TEAD1: variants seen among roughly 807,000 people sequenced by gnomAD.
The protein encoded by TEAD1 is TEA domain transcription factor 1, also known as transcriptional enhancer factor TEF-1.
Under a neutral mutation model 54.9 loss-of-function variants are expected in TEAD1, and 9 were observed. The ratio of observed to expected loss-of-function variants is 0.16; its 90% confidence interval spans 0.10 to 0.29. TEAD1 has a LOEUF of 0.29. TEAD1 is among the 10% of genes least tolerant of loss of function. The probability of loss-of-function intolerance (pLI) is 1.00; values close to 1 mark genes in which losing one functional copy is unlikely to be tolerated. For synonymous variants in TEAD1, 200 were observed against 187.8 expected, an observed-to-expected ratio of 1.07 and a Z score of -0.53; for missense variants, 387 against 535.9, an observed-to-expected ratio of 0.72 and a Z score of 2.74.
intron 10 of TEAD1, among the ~76,000 whole-genome samples, chr11:12,904,206 A>G (rs906546112): frequency 4.6e-5 from 7 of 152,218 alleles, no homozygotes; most frequent in Non-Finnish European, 1.0e-4. Flanking sequence ...GCAGTTGAAA[A>G]AAAAAGTCCT....
chr11:12,911,953 A>G (rs1370212184), intron 10 of TEAD1, among the ~76,000 whole-genome samples: 2 of 151,482 alleles, frequency 1.3e-5, no homozygotes, highest in East Asian at 3.9e-4. Flanking sequence ...TAGATTTTCA[A>G]GGCTTTTTTT....
At chr11:12,907,165 T>C (rs544776134) in intron 10 of TEAD1, among the ~76,000 whole-genome samples, 44 of 152,198 alleles carry the variant, frequency 2.9e-4, no homozygotes, top group African/African-American at 9.9e-4. Flanking sequence ...TCTGCAAGTA[T>C]TGGGGTACAG....
intron 2 of TEAD1, among the ~76,000 whole-genome samples, chr11:12,722,011 T>A (rs759313499): frequency 2.0e-5 from 3 of 152,218 alleles, no homozygotes; most frequent in Non-Finnish European, 4.4e-5. Context: ...ATTCACTGGG[T>A]CTGGGTTGGT....
intron 9 of TEAD1, among the ~76,000 whole-genome samples, chr11:12,896,699 T>C (rs1373772735): frequency 6.6e-6 from 1 of 152,214 alleles, no homozygotes; most frequent in Non-Finnish European, 1.5e-5. Flanking sequence ...ACTGTCTTTA[T>C]TATCCCCATC....
intron 3 of TEAD1, among the ~76,000 whole-genome samples, chr11:12,786,224 C>T (rs760809586): frequency 2.0e-5 from 3 of 152,192 alleles, no homozygotes; most frequent in Non-Finnish European, 2.9e-5. Context: ...GAGAGTAGAG[C>T]AGGTGGAGAT....
intron 10 of TEAD1, chr11:12,922,464 G>A (rs117797157): frequency 0.031 from 4,684 of 151,244 alleles, 1,268 homozygotes; most frequent in Non-Finnish European, 0.048. Context: ...CCAAAGTGCG[G>A]TTCTCTTTAT....
chr11:12,892,797 AG>A (rs1302263891), intron 9 of TEAD1, among the ~76,000 whole-genome samples: 1 of 152,196 alleles, frequency 6.6e-6, no homozygotes, highest in Non-Finnish European at 1.5e-5. Flanking sequence ...CTGCTGAGGC[AG>A]TTGCTCCATC....
intron 12 of TEAD1, among the ~76,000 whole-genome samples, chr11:12,934,194 A>G (rs1219427989): frequency 6.6e-6 from 1 of 152,234 alleles, no homozygotes; most frequent in Non-Finnish European, 1.5e-5. Flanking sequence ...ACATCATGGA[A>G]TACTATGCAG....
intron 3 of TEAD1, among the ~76,000 whole-genome samples, chr11:12,847,537 C>T (rs1947179276): frequency 6.6e-6 from 1 of 151,764 alleles, no homozygotes; most frequent in Non-Finnish European, 1.5e-5. Context: ...GGAAATAGCA[C>T]CCAACATGAC....
chr11:12,876,593 G>C (rs1947858681), intron 5 of TEAD1, among the ~76,000 whole-genome samples: 1 of 152,198 alleles, frequency 6.6e-6, no homozygotes, highest in Non-Finnish European at 1.5e-5. Context: ...CAAGACGTCT[G>C]TGCTGCCATT....
chr11:12,781,656 A>T (rs1299768601), intron 3 of TEAD1, among the ~76,000 whole-genome samples: 1 of 150,924 alleles, frequency 6.6e-6, no homozygotes, highest in African/African-American at 2.4e-5. Context: ...AAAAAAAAAA[A>T]AACAGACAAT....
At chr11:12,767,055 T>C (rs1157946845) in intron 3 of TEAD1, among the ~76,000 whole-genome samples, 1 of 152,126 alleles carries the variant, frequency 6.6e-6, no homozygotes, top group Non-Finnish European at 1.5e-5. Context: ...ATGGGACTAT[T>C]GGTGGTGGAG....
At chr11:12,785,680 C>G (rs1291522693) in intron 3 of TEAD1, among the ~76,000 whole-genome samples, 1 of 152,142 alleles carries the variant, frequency 6.6e-6, no homozygotes, top group Non-Finnish European at 1.5e-5. Context: ...CGGGAACTTA[C>G]AGATCTTGGT....
intron 10 of TEAD1, among the ~76,000 whole-genome samples, chr11:12,908,883 G>GTTTTTT (rs60042137): frequency 0.1 from 10,084 of 99,330 alleles, 668 homozygotes; most frequent in African/African-American, 0.14. Flanking sequence ...CAAATTATCT[G>GTTTTTT]TTTTTTTTTT....
chr11:12,791,095 CGT>C (rs1945793025), intron 3 of TEAD1, among the ~76,000 whole-genome samples: 2 of 152,164 alleles, frequency 1.3e-5, no homozygotes, highest in Admixed American at 1.3e-4. Flanking sequence ...CCCTCATCTC[CGT>C]TATGGATTGG....
At chr11:12,712,138 C>G (rs995605416) in intron 2 of TEAD1, among the ~76,000 whole-genome samples, 1 of 152,154 alleles carries the variant, frequency 6.6e-6, no homozygotes, top group African/African-American at 2.4e-5. Flanking sequence ...TGAAGTATTT[C>G]TTCATGGAGT....
At chr11:12,815,605 A>T (rs1314153605) in intron 3 of TEAD1, among the ~76,000 whole-genome samples, 1 of 152,250 alleles carries the variant, frequency 6.6e-6, no homozygotes, top group Non-Finnish European at 1.5e-5. Flanking sequence ...TTTCAACTAG[A>T]TGTAACCAAG....
In TEAD1 at chr11:12,937,257, ACACACACACATATGTG is replaced by A; in HGVS notation, c.*46_*61del. 7.3e-7 allele frequency: 1 copy of A among 1,372,094 alleles called. No homozygotes were observed. The highest frequency in any genetic ancestry group is 1.0e-6 in the Non-Finnish European group (1 of 967,218). The allele number at this position is 1,372,094 out of a possible 1,614,324, so 85.0% of individuals were successfully genotyped here. ...TTTATATATATAGATATCTGTATAT[ACACACACACATATGTG>A]CACACACACACTCTCTCTCCATTAT... On this transcript the variant is annotated 3_prime_UTR_variant, in exon 13 of 13. Coordinates refer to ENST00000527636, the MANE Select transcript of TEAD1 (RefSeq NM_021961.6).
chr11:12,795,709 C>T (rs552645400), intron 3 of TEAD1, among the ~76,000 whole-genome samples: 1 of 152,274 alleles, frequency 6.6e-6, no homozygotes, highest in South Asian at 2.1e-4. Flanking sequence ...AATGCAGAGT[C>T]TCAGGTCCCA....
Sources: allele counts gnomAD v4.1 joint callset (sites outside exome capture counted in the v4.1 genomes callset), GRCh38; gene constraint gnomAD v4.1.1; transcripts MANE v1.5; gene names NCBI Gene and HGNC (gene_info 2026-07-23, HGNC 2026-07-21).